Variants in LRMDA observed in about 807,000 individuals in gnomAD.
LRMDA encodes the protein leucine-rich melanocyte differentiation-associated protein.
Under a neutral mutation model 29.8 loss-of-function variants are expected in LRMDA, and 18 were observed. That is an observed-to-expected ratio of 0.60 (90% CI 0.42 to 0.90). The LOEUF (loss-of-function observed/expected upper bound fraction) is 0.90, where lower values mean the gene tolerates loss of function less well. LRMDA is among the 40% of genes least tolerant of loss of function. The pLI is 0.00. For missense variants in LRMDA, 273 were observed against 273.9 expected (o/e 1.00, Z 0.02); for synonymous variants, 125 against 109.4 (o/e 1.14, Z -0.89).
At chr10:75,964,859 T>A (rs1303880928) in intron 2 of LRMDA, among the ~76,000 whole-genome samples, 1 of 152,170 alleles carries the variant, frequency 6.6e-6, no homozygotes, top group Non-Finnish European at 1.5e-5. Context: ...CCTCCAACTC[T>A]CAGGTTCAAA....
At chr10:75,872,840 T>C (rs1307438880) in intron 2 of LRMDA, among the ~76,000 whole-genome samples, 1 of 152,144 alleles carries the variant, frequency 6.6e-6, no homozygotes, top group Non-Finnish European at 1.5e-5. Flanking sequence ...TGTTATACAT[T>C]TGTATTATTC....
intron 5 of LRMDA, among the ~76,000 whole-genome samples, chr10:76,078,154 G>A (rs1023653719): frequency 6.6e-6 from 1 of 151,444 alleles, no homozygotes; most frequent in Non-Finnish European, 1.5e-5. Flanking sequence ...GGGACTACAG[G>A]CGTCCACCAC....
intron 5 of LRMDA, among the ~76,000 whole-genome samples, chr10:76,289,546 G>A (rs1389414172): frequency 6.6e-6 from 1 of 152,118 alleles, no homozygotes; most frequent in Non-Finnish European, 1.5e-5. Context: ...ATTAGGAAGA[G>A]TTATCTAATA....
intron 2 of LRMDA, among the ~76,000 whole-genome samples, chr10:75,580,661 TC>T (rs1444361347): frequency 6.6e-6 from 1 of 152,156 alleles, no homozygotes; most frequent in Admixed American, 6.5e-5. Context: ...CCACCTGACT[TC>T]AAACTATACT....
intron 2 of LRMDA, among the ~76,000 whole-genome samples, chr10:75,998,404 C>T (rs939723488): frequency 6.6e-6 from 1 of 152,186 alleles, no homozygotes. Context: ...TACCTCTATC[C>T]TGGCCCTATT....
chr10:76,264,532 G>A (rs1195420861), intron 5 of LRMDA, among the ~76,000 whole-genome samples: 1 of 150,128 alleles, frequency 6.7e-6, no homozygotes, highest in Non-Finnish European at 1.5e-5. Context: ...CATGTCCACT[G>A]CGAGTATTTC....
At chr10:76,539,273 A>G (rs1843326546) in intron 6 of LRMDA, among the ~76,000 whole-genome samples, 3 of 152,180 alleles carry the variant, frequency 2.0e-5, no homozygotes, top group Non-Finnish European at 4.4e-5. Flanking sequence ...GGAAAAGAGG[A>G]GACAGAAAGA....
intron 5 of LRMDA, among the ~76,000 whole-genome samples, chr10:76,279,539 CTTTTTTTT>C (rs759651873): frequency 2.1e-5 from 2 of 93,810 alleles, no homozygotes; most frequent in African/African-American, 4.0e-5. Flanking sequence ...ACAAATGCTT[CTTTTTTTT>C]TTTTTTTTTT....
chr10:75,483,339 A>G (rs1344793174), intron 2 of LRMDA, among the ~76,000 whole-genome samples: 3 of 152,218 alleles, frequency 2.0e-5, no homozygotes, highest in African/African-American at 7.2e-5. Flanking sequence ...CTACATTAGA[A>G]ACAGAGATCA....
At chr10:75,724,279 T>C (rs1014614080) in intron 2 of LRMDA, among the ~76,000 whole-genome samples, 11 of 152,250 alleles carry the variant, frequency 7.2e-5, no homozygotes, top group Non-Finnish European at 1.3e-4. Flanking sequence ...TATAATGCTC[T>C]GCAGAGGCAA....
chr10:76,014,534 A>T (rs1463431769), intron 2 of LRMDA, among the ~76,000 whole-genome samples: 1 of 152,184 alleles, frequency 6.6e-6, no homozygotes, highest in Non-Finnish European at 1.5e-5. Flanking sequence ...GAATCCCTGC[A>T]GATAGTGCTG....
intron 2 of LRMDA, among the ~76,000 whole-genome samples, chr10:75,792,192 G>A (rs1018240316): frequency 2.0e-5 from 3 of 150,894 alleles, no homozygotes; most frequent in Non-Finnish European, 4.4e-5. Context: ...CCCCAGCTGA[G>A]CAGCTGCTAT....
chr10:75,993,706 C>A (rs1441830104), intron 2 of LRMDA, among the ~76,000 whole-genome samples: 1 of 151,280 alleles, frequency 6.6e-6, no homozygotes, highest in Non-Finnish European at 1.5e-5. Flanking sequence ...GCACTCCAGC[C>A]TGGGTGACAG....
intron 2 of LRMDA, among the ~76,000 whole-genome samples, chr10:75,656,960 G>A (rs2132131134): frequency 6.6e-6 from 1 of 152,290 alleles, no homozygotes; most frequent in East Asian, 1.9e-4. Flanking sequence ...GTAAAATTAA[G>A]CATCATGTTC....
chr10:75,929,789 C>T (rs1414299381), intron 2 of LRMDA, among the ~76,000 whole-genome samples: 1 of 152,186 alleles, frequency 6.6e-6, no homozygotes, highest in Non-Finnish European at 1.5e-5. Context: ...TTATCCCAAC[C>T]ACTCTTTTCC....
intron 5 of LRMDA, among the ~76,000 whole-genome samples, chr10:76,279,079 A>G (rs1443915594): frequency 1.3e-5 from 2 of 152,196 alleles, no homozygotes; most frequent in Non-Finnish European, 2.9e-5. Flanking sequence ...GGAAAAATGG[A>G]GTATGATGGA....
At chr10:75,786,366 C>T (rs1843472961) in intron 2 of LRMDA, among the ~76,000 whole-genome samples, 1 of 152,084 alleles carries the variant, frequency 6.6e-6, no homozygotes, top group South Asian at 2.1e-4. Context: ...TGGTATCTAG[C>T]TAATATTTAT....
chr10:76,278,599 C>A (rs1840165335), intron 5 of LRMDA, among the ~76,000 whole-genome samples: 1 of 152,182 alleles, frequency 6.6e-6, no homozygotes, highest in South Asian at 2.1e-4. Context: ...CACACTATTA[C>A]CTGCCTTTGT....
rs978749511 is a variant in LRMDA, at chr10:75,452,419, C to T, written c.131+13925C>T. Among the ~76,000 whole-genome samples, 4 of 152,184 alleles carry T rather than the reference C, an allele frequency of 2.6e-5. No homozygotes were observed. The South Asian group carries it at 8.3e-4, about 32-fold the overall frequency. On this transcript the variant is annotated intron_variant, in intron 2 of 6. Transcript: ENST00000611255. Reference sequence around the variant, plus strand: ...TTGAGACTTGGGGTCACATCATAGCCTTGTTTTTTCTTGCAAATTTTAGAA... The same window carrying T: ...TTGAGACTTGGGGTCACATCATAGCTTTGTTTTTTCTTGCAAATTTTAGAA...
Sources: allele counts gnomAD v4.1 joint callset (sites outside exome capture counted in the v4.1 genomes callset), GRCh38; gene constraint gnomAD v4.1.1; transcripts MANE v1.5; gene names NCBI Gene and HGNC (gene_info 2026-07-23, HGNC 2026-07-21).